Variants in KANK1 observed in about 807,000 individuals in gnomAD.
KANK1 encodes the protein KN motif and ankyrin repeat domain-containing protein 1.
KANK1 carries 109 observed loss-of-function variants against 106.2 expected under a neutral mutation model. The observed-to-expected ratio is 1.03, with a 90% CI of 0.88 to 1.20. The LOEUF (loss-of-function observed/expected upper bound fraction) is 1.20, where lower values mean the gene tolerates loss of function less well. Among genes scored for constraint, KANK1 ranks in the 50% most tolerant of loss-of-function variants. The pLI is 0.00. For missense variants in KANK1, 2,399 were observed against 1,710.7 expected, an observed-to-expected ratio of 1.40 and a Z score of -7.10; for synonymous variants, 873 against 652.2, an observed-to-expected ratio of 1.34 and a Z score of -5.16.
At position 610,222 on chromosome 9, in the gene KANK1, T is replaced by TA. The variant is rs752429644; in HGVS notation, c.-83-66667dup. On this transcript the variant is annotated intron_variant, in intron 1 of 11. Coordinates refer to ENST00000382297, the MANE Select transcript of KANK1 (RefSeq NM_015158.5). ...ATACATTTTAATTTGGTTGAACACT[T>TA]ACGTTTATCAAAAACTCTTTACAAA... Among the ~76,000 whole-genome samples, 10 of 148,406 alleles carry TA rather than the reference T, an allele frequency of 6.7e-5. No homozygotes were observed. In the East Asian group the frequency reaches 1.5e-3, roughly 23 times the overall value.
chr9:655,625 G>A (rs1563934224), intron 1 of KANK1, among the ~76,000 whole-genome samples: 1 of 152,054 alleles, frequency 6.6e-6, no homozygotes. Context: ...GATTGCCCAG[G>A]GGTCTACACT....
upstream of KANK1, among the ~76,000 whole-genome samples, chr9:500,041 A>G (rs2058523734): frequency 6.6e-6 from 1 of 152,190 alleles, no homozygotes; most frequent in Non-Finnish European, 1.5e-5. Flanking sequence ...GAGAGAGAAC[A>G]TCTTTTGCAT....
intron 2 of KANK1, chr9:707,314 G>GGGCC (rs1053632960): frequency 2.3e-4 from 197 of 843,892 alleles, no homozygotes; most frequent in Non-Finnish European, 2.8e-4. Context: ...TGGGCGAGGG[G>GGGCC]GGCCGGCCGG....
At chr9:740,731 T>TA in intron 8 of KANK1, 61 bp from the exon 9 acceptor site, 2 of 1,562,844 alleles carry the variant, frequency 1.3e-6, no homozygotes, top group Non-Finnish European at 1.7e-6. Flanking sequence ...AGTGGCTTCG[T>TA]AAGCGGCTGC....
intron 1 of KANK1, among the ~76,000 whole-genome samples, chr9:528,375 C>G (rs2059900388): frequency 6.6e-6 from 1 of 150,884 alleles, no homozygotes; most frequent in Admixed American, 6.6e-5. Context: ...TTACCTTTTT[C>G]TCTCCTATTT....
chr9:588,611 A>G lies in KANK1; in HGVS notation c.-84+83857A>G, dbSNP rs528455052. 3.2e-4 allele frequency among the ~76,000 whole-genome samples: 48 copies of G among 152,290 alleles called. 1 individual carries two copies. Among genetic ancestry groups the G allele is most frequent in the Middle Eastern group, 3.4e-3 (1 of 294 alleles). On this transcript the variant is annotated intron_variant, in intron 1 of 11. Transcript: ENST00000382297. ...AAAAAAAAGTGTTTGTTTTTAAAAA[A>G]CATTCTAGGTATTCCTTTTTAAGTC...
At chr9:710,390 G>C (rs961503702) in intron 2 of KANK1, among the ~76,000 whole-genome samples, 1 of 152,008 alleles carries the variant, frequency 6.6e-6, no homozygotes, top group African/African-American at 2.4e-5. Context: ...GGCCAGGTTG[G>C]GTGGATCACC....
chr9:479,502 G>T (rs2058165923), intron 3 of KANK1, among the ~76,000 whole-genome samples: 1 of 145,650 alleles, frequency 6.9e-6, no homozygotes, highest in South Asian at 2.2e-4. Context: ...TTTCCAAATG[G>T]GGACGGAGGG....
chr9:594,140 C>G (rs1825656418), intron 1 of KANK1, among the ~76,000 whole-genome samples: 1 of 151,872 alleles, frequency 6.6e-6, no homozygotes. Context: ...TTTCACAGTA[C>G]CCACCTTATT....
intron 1 of KANK1, among the ~76,000 whole-genome samples, chr9:510,573 G>A (rs960661016): frequency 6.6e-6 from 1 of 152,232 alleles, no homozygotes; most frequent in Non-Finnish European, 1.5e-5. Flanking sequence ...CATCACTAAA[G>A]AGACACTGAG....
chr9:598,781 C>G (rs1826954978), intron 1 of KANK1, among the ~76,000 whole-genome samples: 1 of 148,614 alleles, frequency 6.7e-6, no homozygotes, highest in Non-Finnish European at 1.5e-5. Context: ...CAGGCGCACA[C>G]CACTACGCCC....
At position 494,035 on chromosome 9, in the gene KANK1, G is replaced by A. The variant is rs56233645; in HGVS notation, c.-362+20762G>A. Among the ~76,000 whole-genome samples the A allele has an allele frequency of 9.7e-3, 1,476 of 151,596 alleles. 29 individuals are homozygous for A. Among genetic ancestry groups the A allele is most frequent in the African/African-American group, 0.034 (1,399 of 41,296 alleles). On this transcript the variant is annotated intron_variant, in intron 3 of 15. Coordinates refer to the KANK1 transcript ENST00000382303. ...GTAGCTGGGATTACAGGTGCACACC[G>A]CCATGCCCCACTAATTTTTGTATTT...
Position 525,349 on chromosome 9 carries a change from A to ATGTGTGTG in KANK1, c.-84+20595_-84+20596insTGTGTGTG, listed in dbSNP as rs1563716017. On this transcript the variant is annotated intron_variant, in intron 1 of 11. Coordinates refer to ENST00000382297, the MANE Select transcript of KANK1 (RefSeq NM_015158.5). ...GATTTCTGACAGAATATGTATACAT[A>ATGTGTGTG]CGTGTGTGTGTGTGTGTGTGTGTGT... Among the ~76,000 whole-genome samples, 15 of 105,596 alleles carry ATGTGTGTG rather than the reference A, an allele frequency of 1.4e-4. 1 individual carries two copies. Among genetic ancestry groups the ATGTGTGTG allele is most frequent in the African/African-American group, 9.2e-4 (15 of 16,242 alleles). 69.3% of individuals were successfully genotyped at this position (105,596 alleles called of 152,430 possible).
In KANK1 at chr9:536,620, G is replaced by T. The variant is rs1015889216; in HGVS notation, c.-84+31866G>T. Among the ~76,000 whole-genome samples the T allele has an allele frequency of 2.0e-5, 3 of 152,184 alleles. No individual in the cohort carries two copies. In the East Asian group the frequency reaches 5.8e-4, roughly 29 times the overall value. On this transcript the variant is annotated intron_variant, in intron 1 of 11. Coordinates refer to ENST00000382297, the MANE Select transcript of KANK1 (RefSeq NM_015158.5). ...TCCTCTTATGTGATCCCATCTTTCT[G>T]TCTCTGACCACAGAAATAAAAGACT...
chr9:604,725 G>A (rs1233518288), intron 1 of KANK1, among the ~76,000 whole-genome samples: 2 of 151,788 alleles, frequency 1.3e-5, no homozygotes, highest in Non-Finnish European at 2.9e-5. Flanking sequence ...AGCTGTTCGG[G>A]AAGCTGAGGC....
chr9:578,394 T>C (rs1821163319), intron 1 of KANK1, among the ~76,000 whole-genome samples: 1 of 152,004 alleles, frequency 6.6e-6, no homozygotes. Flanking sequence ...TGAAATATAT[T>C]AGCAACATTG....
Position 734,853 on chromosome 9 carries a change from A to G in KANK1, c.3333+18A>G. 1.2e-5 allele frequency: 19 copies of G among 1,579,038 alleles called. No individual in the cohort carries two copies. The highest frequency in any genetic ancestry group is 1.7e-5 in the Non-Finnish European group (19 of 1,148,230). ...AAGATATGGTGAGTCTGACCTGCAA[A>G]CACCATCCCCAGTGTGTACAAAGTG... On this transcript the variant is annotated intron_variant, in intron 7 of 11. Transcript: ENST00000382297.
At chr9:549,296 G>C (rs1038087857) in intron 1 of KANK1, 5 of 152,388 alleles carry the variant, frequency 3.3e-5, no homozygotes, top group African/African-American at 1.2e-4. Flanking sequence ...CCAGGTGCCT[G>C]CCGAAGACCC....
intron 1 of KANK1, among the ~76,000 whole-genome samples, chr9:633,789 A>G (rs1339279175): frequency 1.3e-5 from 2 of 152,170 alleles, no homozygotes; most frequent in African/African-American, 4.8e-5. Context: ...AGTAGCTGAG[A>G]TTACAAGCAC....
Sources: gnomAD v4.1 joint callset for allele counts (sites outside exome capture counted in the v4.1 genomes callset) on GRCh38, gnomAD v4.1.1 for gene constraint, MANE v1.5 for transcripts, NCBI Gene and HGNC (gene_info 2026-07-23, HGNC 2026-07-21) for gene names.